The following LNP1 variants were observed in gnomAD, a reference collection of about 807,000 sequenced individuals.
LNP1 encodes leukemia NUP98 fusion partner 1.
LNP1 carries 12 observed loss-of-function variants against 14.5 expected under a neutral mutation model. The ratio of observed to expected loss-of-function variants is 0.83; its 90% CI spans 0.53 to 1.34. LNP1 has a LOEUF of 1.34. Among genes scored for constraint, LNP1 ranks in the 40% most tolerant of loss-of-function variants. The pLI, the probability that LNP1 is intolerant of heterozygous loss-of-function variation, is 0.00. For missense variants in LNP1, 198 were observed against 210.9 expected, an observed-to-expected ratio of 0.94 and a Z score of 0.38; for synonymous variants, 75 against 71.4, an observed-to-expected ratio of 1.05 and a Z score of -0.26.
At chr3:100,451,610 A>G (rs1707438331) in intron 2 of LNP1, 109 bp from the exon 3 acceptor site, 5 of 625,056 alleles carry the variant, frequency 8.0e-6, no homozygotes, top group Admixed American at 6.0e-5. Flanking sequence ...AAGATAATAT[A>G]TCAATTCAAC....
intron 2 of LNP1, among the ~76,000 whole-genome samples, chr3:100,433,907 G>GGTTT (rs1167494068): frequency 6.6e-6 from 1 of 151,948 alleles, no homozygotes; most frequent in Non-Finnish European, 1.5e-5. Context: ...CTTTTTGATG[G>GGTTT]GTTTGTTTGT....
At chr3:100,455,751 A>G in intron 3 of LNP1, 26 bp from the exon 4 acceptor site, 1 of 1,611,644 alleles carries the variant, frequency 6.2e-7, no homozygotes, top group South Asian at 1.1e-5. Flanking sequence ...GTGCATTTTT[A>G]CCTGTTTCTG....
At chr3:100,419,811 G>A (rs1263212321) in intron 1 of LNP1, among the ~76,000 whole-genome samples, 5 of 151,946 alleles carry the variant, frequency 3.3e-5, no homozygotes, top group Non-Finnish European at 5.9e-5. Flanking sequence ...AATGTGTCAG[G>A]TTGTGTGTAT....
intron 1 of LNP1, among the ~76,000 whole-genome samples, chr3:100,419,191 A>G (rs1707119775): frequency 1.3e-5 from 2 of 152,016 alleles, no homozygotes; most frequent in Non-Finnish European, 2.9e-5. Context: ...CAGATTAAAA[A>G]CCTATGCTGT....
intron 2 of LNP1, among the ~76,000 whole-genome samples, chr3:100,439,024 CT>C (rs1707318251): frequency 6.6e-6 from 1 of 152,144 alleles, no homozygotes; most frequent in Middle Eastern, 3.2e-3. Flanking sequence ...AATTACAGTT[CT>C]CTTTTAGGCC....
chr3:100,415,555 G>A (rs1427804490), intron 1 of LNP1, among the ~76,000 whole-genome samples: 1 of 152,182 alleles, frequency 6.6e-6, no homozygotes, highest in Non-Finnish European at 1.5e-5. Context: ...CAACCATTAT[G>A]AGTATTTTTT....
At chr3:100,443,842 A>C (rs2148906686) in intron 2 of LNP1, among the ~76,000 whole-genome samples, 1 of 152,332 alleles carries the variant, frequency 6.6e-6, no homozygotes, top group African/African-American at 2.4e-5. Flanking sequence ...AATACTCCCA[A>C]ACAGTTTCCA....
chr3:100,409,724 A>G (rs921200227), intron 1 of LNP1, among the ~76,000 whole-genome samples: 3 of 150,498 alleles, frequency 2.0e-5, no homozygotes, highest in African/African-American at 7.3e-5. Flanking sequence ...CCTCCCGAGT[A>G]TCTGGGATTG....
intron 1 of LNP1, among the ~76,000 whole-genome samples, chr3:100,415,780 T>A (rs1707077853): frequency 6.6e-6 from 1 of 152,208 alleles, no homozygotes; most frequent in South Asian, 2.1e-4. Context: ...CTTGATGTTA[T>A]CTTTCACCAT....
At chr3:100,408,047 C>G (rs1051938496) in intron 1 of LNP1, among the ~76,000 whole-genome samples, 1 of 152,178 alleles carries the variant, frequency 6.6e-6, no homozygotes, top group African/African-American at 2.4e-5. Context: ...TTTAAAACAG[C>G]TGTTTTGAAT....
chr3:100,446,750 A>G (rs1280982448), intron 2 of LNP1, among the ~76,000 whole-genome samples: 1 of 152,238 alleles, frequency 6.6e-6, no homozygotes, highest in East Asian at 1.9e-4. Flanking sequence ...AAACAAATTT[A>G]CAAGGAAAAA....
At chr3:100,414,253 G>T (rs1056843615) in intron 1 of LNP1, among the ~76,000 whole-genome samples, 13 of 152,082 alleles carry the variant, frequency 8.5e-5, no homozygotes, top group African/African-American at 3.1e-4. Flanking sequence ...TTTAATCAAG[G>T]TTAATGAAAG....
At chr3:100,439,368 G>T (rs1707323261) in intron 2 of LNP1, among the ~76,000 whole-genome samples, 1 of 151,502 alleles carries the variant, frequency 6.6e-6, no homozygotes, top group African/African-American at 2.4e-5. Flanking sequence ...ACCAATCTTG[G>T]GATATTGCCC....
intron 1 of LNP1, among the ~76,000 whole-genome samples, chr3:100,414,778 T>C (rs1284344080): frequency 6.6e-6 from 1 of 152,192 alleles, no homozygotes; most frequent in African/African-American, 2.4e-5. Context: ...AGAAACTGAA[T>C]TCTTCCAATG....
intron 2 of LNP1, among the ~76,000 whole-genome samples, chr3:100,438,753 A>T (rs530600255): frequency 6.6e-6 from 1 of 152,262 alleles, no homozygotes; most frequent in South Asian, 2.1e-4. Flanking sequence ...CAGGGCAGTC[A>T]TTTCCCTCAC....
At chr3:100,407,000 A>C (rs1397778502) in intron 1 of LNP1, among the ~76,000 whole-genome samples, 2 of 152,184 alleles carry the variant, frequency 1.3e-5, no homozygotes, top group Non-Finnish European at 2.9e-5. Context: ...TCAATTTCAC[A>C]ATTTAAGTAT....
intron 3 of LNP1, among the ~76,000 whole-genome samples, chr3:100,453,682 A>G (rs1219884190): frequency 1.3e-5 from 2 of 152,082 alleles, no homozygotes; most frequent in African/African-American, 4.8e-5. Flanking sequence ...AGAATAGGAC[A>G]AAGAATTCCC....
At position 100,429,660 on chromosome 3, in the gene LNP1, A is replaced by G. The variant is rs755689852; in HGVS notation, c.-33-37A>G. The G allele has an allele frequency of 1.2e-5, 16 of 1,373,288 alleles. No individual in the cohort carries two copies. The Admixed American group carries it at 1.4e-4, about 12-fold the overall frequency. The allele number at this position is 1,373,288 out of a possible 1,614,324, so 85.1% of individuals were successfully genotyped here. On this transcript the variant is annotated intron_variant, in intron 1 of 3. Coordinates refer to ENST00000383693, the MANE Select transcript of LNP1 (RefSeq NM_001085451.2). ...GGGAGAGATCCTGGGTTTCATTGTC[A>G]GCCCTGTTGGGTGATATTTCCCTCT...
At chr3:100,442,935 A>C (rs138298283) in intron 2 of LNP1, among the ~76,000 whole-genome samples, 1 of 152,204 alleles carries the variant, frequency 6.6e-6, no homozygotes, top group Non-Finnish European at 1.5e-5. Context: ...CTCATGTCCT[A>C]TGAAGAGAAA....
Sources: allele counts gnomAD v4.1 joint callset (sites outside exome capture counted in the v4.1 genomes callset), GRCh38; gene constraint gnomAD v4.1.1; transcripts MANE v1.5; gene names NCBI Gene and HGNC (gene_info 2026-07-23, HGNC 2026-07-21).